The following EPM2A variants were observed in gnomAD, a reference collection of about 807,000 sequenced individuals.
EPM2A encodes the protein laforin.
A neutral mutation model predicts 26.5 loss-of-function variants in EPM2A; 21 were observed. That is an observed-to-expected ratio of 0.79 (90% confidence interval 0.56 to 1.14). The LOEUF (loss-of-function observed/expected upper bound fraction) is 1.14. EPM2A is among the 50% of genes most tolerant of loss of function. The pLI is 0.00. For missense variants in EPM2A, 458 were observed against 440.8 expected, an observed-to-expected ratio of 1.04 and a Z score of -0.35; for synonymous variants, 217 against 177.6, an observed-to-expected ratio of 1.22 and a Z score of -1.76.
chr6:145,707,394 C>T (rs1782282825), intron 1 of EPM2A, among the ~76,000 whole-genome samples: 1 of 152,118 alleles, frequency 6.6e-6, no homozygotes, highest in Non-Finnish European at 1.5e-5. Flanking sequence ...GAAGTTTAGA[C>T]TTATTTTATA....
intron 2 of EPM2A, among the ~76,000 whole-genome samples, chr6:145,667,714 C>G (rs1395337327): frequency 1.5e-5 from 2 of 137,672 alleles, no homozygotes; most frequent in East Asian, 2.2e-4. Flanking sequence ...CACATGCACA[C>G]GTATGTTTAT....
downstream of EPM2A, among the ~76,000 whole-genome samples, chr6:145,622,413 T>C (rs759153853): frequency 2.0e-5 from 3 of 152,234 alleles, no homozygotes; most frequent in Non-Finnish European, 2.9e-5. Context: ...TGTCCATTGA[T>C]TTGTGTTTCC....
intron 2 of EPM2A, among the ~76,000 whole-genome samples, chr6:145,545,798 T>C (rs1274931025): frequency 2.0e-5 from 3 of 152,130 alleles, no homozygotes; most frequent in African/African-American, 4.8e-5. Flanking sequence ...ACTTCAGTTA[T>C]AACAAACTCT....
chr6:145,472,160 G>T (rs1779482154), intron 4 of EPM2A, among the ~76,000 whole-genome samples: 1 of 151,530 alleles, frequency 6.6e-6, no homozygotes, highest in African/African-American at 2.4e-5. Flanking sequence ...CATACCTTGG[G>T]CCAGAAGGGA....
intron 2 of EPM2A, among the ~76,000 whole-genome samples, chr6:145,677,514 G>A (rs976395541): frequency 1.3e-5 from 2 of 152,180 alleles, no homozygotes; most frequent in African/African-American, 4.8e-5. Flanking sequence ...CAGATGTCAT[G>A]ATTGTATATT....
chr6:145,596,756 C>T (rs1411222350), intron 2 of EPM2A, among the ~76,000 whole-genome samples: 1 of 151,930 alleles, frequency 6.6e-6, no homozygotes, highest in Non-Finnish European at 1.5e-5. Flanking sequence ...CCACACCCTT[C>T]GTGGGACTCT....
At chr6:145,390,451 TTA>T (rs1778322498) in intron 4 of EPM2A, among the ~76,000 whole-genome samples, 1 of 152,144 alleles carries the variant, frequency 6.6e-6, no homozygotes, top group African/African-American at 2.4e-5. Flanking sequence ...CCTAGGCTGT[TTA>T]TTTTCTGCCA....
At chr6:145,479,129 T>C (rs1466192347) in intron 4 of EPM2A, among the ~76,000 whole-genome samples, 6 of 151,346 alleles carry the variant, frequency 4.0e-5, no homozygotes, top group Admixed American at 2.6e-4. Context: ...TGTTTATCAA[T>C]AGTGGAGAGA....
At chr6:145,453,910 C>T (rs972302890) in intron 4 of EPM2A, among the ~76,000 whole-genome samples, 1 of 152,160 alleles carries the variant, frequency 6.6e-6, no homozygotes, top group African/African-American at 2.4e-5. Flanking sequence ...GTGTTGTTTT[C>T]TTTAACAAAT....
At chr6:145,411,504 C>T (rs75679082) in intron 4 of EPM2A, among the ~76,000 whole-genome samples, 7,474 of 151,414 alleles carry the variant, frequency 0.049, 618 homozygotes, top group African/African-American at 0.17. Context: ...CACAGGTGGT[C>T]AGTGTGACAG....
At chr6:145,442,996 G>T (rs1310174879) in intron 4 of EPM2A, among the ~76,000 whole-genome samples, 1 of 152,088 alleles carries the variant, frequency 6.6e-6, no homozygotes, top group Non-Finnish European at 1.5e-5. Flanking sequence ...GAGTAGCTGG[G>T]ACTACAGGCA....
intron 2 of EPM2A, among the ~76,000 whole-genome samples, chr6:145,597,852 G>T (rs893848319): frequency 2.0e-5 from 3 of 152,108 alleles, no homozygotes; most frequent in African/African-American, 7.2e-5. Flanking sequence ...GCATTAGTTT[G>T]TTAAGGATAA....
intron 4 of EPM2A, among the ~76,000 whole-genome samples, chr6:145,495,423 G>A (rs1017412739): frequency 6.6e-6 from 1 of 151,732 alleles, no homozygotes; most frequent in Non-Finnish European, 1.5e-5. Context: ...ACATACTGAT[G>A]GGTCTTGGTT....
intron 2 of EPM2A, among the ~76,000 whole-genome samples, chr6:145,619,219 A>G (rs1022331273): frequency 8.5e-5 from 13 of 152,220 alleles, no homozygotes; most frequent in African/African-American, 2.9e-4. Flanking sequence ...GTTTTGAAAC[A>G]AATTGATATA....
chr6:145,517,027 G>C (rs1176352335), intron 2 of EPM2A, among the ~76,000 whole-genome samples: 2 of 152,128 alleles, frequency 1.3e-5, no homozygotes, highest in Non-Finnish European at 2.9e-5. Flanking sequence ...CCATAAGAAA[G>C]AAGGAAATCC....
In EPM2A at chr6:145,392,081, TC is replaced by T. The variant is rs552899831; in HGVS notation, c.556-7985del. 1.6e-3 allele frequency among the ~76,000 whole-genome samples: 237 copies of T among 152,212 alleles called. 1 individual carries two copies. The highest frequency in any genetic ancestry group is 5.4e-3 in the African/African-American group (226 of 41,542). On this transcript the variant is annotated intron_variant, in intron 4 of 4. Coordinates refer to the EPM2A transcript ENST00000638717. ...ACATGTTTAAGAACCAGGGAAACAT[TC>T]TTTTGAATATTTGAGATCCTGACTA...
chr6:145,500,131 G>T (rs1779869871), downstream of EPM2A, among the ~76,000 whole-genome samples: 1 of 152,138 alleles, frequency 6.6e-6, no homozygotes, highest in African/African-American at 2.4e-5. Flanking sequence ...TGGGTAAAAA[G>T]AATTTGTGAG....
chr6:145,727,881 A>G (rs1034452466), intron 1 of EPM2A, among the ~76,000 whole-genome samples: 2 of 152,196 alleles, frequency 1.3e-5, no homozygotes, highest in African/African-American at 2.4e-5. Flanking sequence ...ATCTCCGAAC[A>G]GTAATCCCCA....
intron 4 of EPM2A, among the ~76,000 whole-genome samples, chr6:145,430,107 G>A (rs1191923265): frequency 2.6e-5 from 4 of 151,896 alleles, no homozygotes; most frequent in Non-Finnish European, 4.4e-5. Flanking sequence ...CAGGAGAATC[G>A]CTTGAATTCA....
Sources: allele counts gnomAD v4.1 joint callset (sites outside exome capture counted in the v4.1 genomes callset), GRCh38; gene constraint gnomAD v4.1.1; transcripts MANE v1.5; gene names NCBI Gene and HGNC (gene_info 2026-07-23, HGNC 2026-07-21).